The following SVIL variants were observed in gnomAD, a reference collection of about 807,000 sequenced individuals.
SVIL encodes the protein supervillin.
A neutral mutation model predicts 240.4 loss-of-function variants in SVIL; 101 were observed. That is an observed-to-expected ratio of 0.42 (90% CI 0.36 to 0.50). The LOEUF (loss-of-function observed/expected upper bound fraction) is 0.50, where lower values mean the gene tolerates loss of function less well. SVIL is among the 20% of genes least tolerant of loss of function. SVIL has a pLI of 0.01. For synonymous variants in SVIL, 999 were observed against 1,100.0 expected, an observed-to-expected ratio of 0.91 and a Z score of 1.82; for missense variants, 2,512 against 2,818.7, an observed-to-expected ratio of 0.89 and a Z score of 2.46.
intron 17 of SVIL, among the ~76,000 whole-genome samples, chr10:29,506,715 TAGAGACTCTACGAAGGAGGGGAC>T (rs1333201696): frequency 5.6e-5 from 4 of 72,062 alleles, no homozygotes; most frequent in African/African-American, 1.9e-4. Context: ...AGGGAGGGGA[TAGAGACTCTACGAAGGAGGGGAC>T]AGAGGCCCTA....
Position 29,463,607 on chromosome 10 carries a change from C to T in SVIL, c.6162G>A (p.Glu2054=). 1 of 1,614,142 alleles carries T rather than the reference C, an allele frequency of 6.2e-7. No individual in the cohort carries two copies. The highest frequency in any genetic ancestry group is 2.2e-5 in the East Asian group (1 of 44,872). Residue 2054 remains glutamate (E), a synonymous_variant, in exon 35 of 38, where the codon GAG becomes GAA. Coordinates refer to ENST00000355867, the MANE Select transcript of SVIL (RefSeq NM_021738.3). ...GCCACCAGCCTTGCCAGAGGTACACCTCGTGGTGATTGTCAACAAGGAAAA... is the reference window on the plus strand; with the variant it reads ...GCCACCAGCCTTGCCAGAGGTACACTTCGTGGTGATTGTCAACAAGGAAAA... ...PALFLVDNHH[E]VYLWQGWWPI...
intron 6 of SVIL, among the ~76,000 whole-genome samples, chr10:29,549,833 G>A (rs1953078796): frequency 7.7e-6 from 1 of 130,656 alleles, no homozygotes; most frequent in South Asian, 2.5e-4. Flanking sequence ...GAGAACACAT[G>A]GACACAGGAA....
chr10:29,609,489 C>T (rs1957157574), intron 1 of SVIL, among the ~76,000 whole-genome samples: 1 of 152,174 alleles, frequency 6.6e-6, no homozygotes, highest in South Asian at 2.1e-4. Context: ...GAAACATGTC[C>T]CCCCACTCAC....
intron 1 of SVIL, among the ~76,000 whole-genome samples, chr10:29,604,363 C>CTTTTTTTT: frequency 2.6e-5 from 1 of 38,402 alleles, no homozygotes; most frequent in Non-Finnish European, 5.7e-5. Context: ...CCATGTCTGG[C>CTTTTTTTT]TTTTTTTTTT....
intron 1 of SVIL, among the ~76,000 whole-genome samples, chr10:29,569,829 T>A (rs1418915863): frequency 6.6e-6 from 1 of 152,166 alleles, no homozygotes; most frequent in East Asian, 1.9e-4. Context: ...CCAATAAAAA[T>A]AACTATTTAT....
intron 1 of SVIL, among the ~76,000 whole-genome samples, chr10:29,578,028 T>C (rs1269053357): frequency 1.3e-5 from 2 of 152,182 alleles, no homozygotes; most frequent in Non-Finnish European, 1.5e-5. Context: ...TTTATAAATG[T>C]ATAAAATGGG....
upstream of SVIL, chr10:29,735,925 G>C (rs1457603064): frequency 6.6e-6 from 1 of 152,148 alleles, no homozygotes; most frequent in Non-Finnish European, 1.5e-5. The surrounding 1 kb of genome is among the most constrained non-coding windows in gnomAD (Gnocchi z 4.1). Context: ...AGGCTCGCGC[G>C]TCCCCACCCC....
At chr10:29,548,825 C>T (rs16930389) in intron 6 of SVIL, among the ~76,000 whole-genome samples, 2,824 of 152,116 alleles carry the variant, frequency 0.019, 84 homozygotes, top group African/African-American at 0.062. Context: ...TACAGAAAAG[C>T]GGCGAAAAGA....
At chr10:29,640,068 GC>G (rs1266681526) in intron 3 of SVIL, among the ~76,000 whole-genome samples, 1 of 152,080 alleles carries the variant, frequency 6.6e-6, no homozygotes, top group East Asian at 1.9e-4. Flanking sequence ...AGTCCCTTGG[GC>G]CCCACCTCTG....
At chr10:29,525,690 A>G (rs1431896495) in intron 13 of SVIL, among the ~76,000 whole-genome samples, 3 of 152,210 alleles carry the variant, frequency 2.0e-5, no homozygotes, top group Non-Finnish European at 2.9e-5. Flanking sequence ...TGAAGTCTTC[A>G]CGGTCAATAT....
chr10:29,529,205 A>G (rs1372822599), intron 12 of SVIL, among the ~76,000 whole-genome samples: 1 of 146,380 alleles, frequency 6.8e-6, no homozygotes, highest in Non-Finnish European at 1.5e-5. Context: ...AAAAAAAAAG[A>G]AAAAAAGAAA....
intron 21 of SVIL, among the ~76,000 whole-genome samples, 178 bp downstream of exon 21, chr10:29,493,036 G>A (rs913907543): frequency 6.6e-6 from 1 of 152,074 alleles, no homozygotes; most frequent in Non-Finnish European, 1.5e-5. Flanking sequence ...TATCTGCTGC[G>A]AGGCTCCGTG....
chr10:29,616,140 C>T lies in SVIL; in HGVS notation c.-201+18280G>A, dbSNP rs1474361273. ...TTTTTATTTTCCTCCTGGGTTCAAG[C>T]GATTCTCGTGCCTCAGCATCCCAAG... On this transcript the variant is annotated intron_variant, in intron 1 of 37. Transcript: ENST00000355867. Among the ~76,000 whole-genome samples the T allele has an allele frequency of 5.9e-5, 9 of 152,130 alleles. No homozygotes were observed. The East Asian group carries it at 1.7e-3, about 29-fold the overall frequency.
intron 12 of SVIL, among the ~76,000 whole-genome samples, 193 bp from the exon 13 acceptor site, chr10:29,527,249 T>C (rs1264640225): frequency 6.6e-6 from 1 of 152,072 alleles, no homozygotes; most frequent in Admixed American, 6.5e-5. Flanking sequence ...TAAGAGATAG[T>C]GGCTACCCAA....
At chr10:29,613,735 T>C (rs1957334032) in intron 1 of SVIL, among the ~76,000 whole-genome samples, 1 of 152,240 alleles carries the variant, frequency 6.6e-6, no homozygotes, top group Non-Finnish European at 1.5e-5. Flanking sequence ...TGAAATATTT[T>C]ATTTCAGTGA....
At chr10:29,684,530 C>A (rs556890870) in intron 2 of SVIL, among the ~76,000 whole-genome samples, 21 of 152,068 alleles carry the variant, frequency 1.4e-4, no homozygotes, top group Admixed American at 3.3e-4. Context: ...GTCTAAAGAC[C>A]TGGAATAAAC....
At chr10:29,652,016 C>G (rs201992419) in intron 3 of SVIL, among the ~76,000 whole-genome samples, 1 of 138,804 alleles carries the variant, frequency 7.2e-6, no homozygotes, top group African/African-American at 2.5e-5. Flanking sequence ...GACACACACA[C>G]AAACACACAC....
At chr10:29,713,826 G>A (rs981474901) in intron 1 of SVIL, among the ~76,000 whole-genome samples, 2 of 152,168 alleles carry the variant, frequency 1.3e-5, no homozygotes, top group Non-Finnish European at 2.9e-5. Flanking sequence ...AGAGTTTCCA[G>A]TTCAAAGAGT....
Position 29,550,680 on chromosome 10 carries a change from G to C in SVIL, c.744C>G (p.His248Gln). Residue 248 changes from histidine to glutamine, a missense_variant, in exon 6 of 38, where the codon CAC (histidine) becomes CAG (glutamine). Coordinates refer to ENST00000355867, the MANE Select transcript of SVIL (RefSeq NM_021738.3). ...SFTEVPRSPK[H>Q]AHSSSLQQAA... is the part of the protein sequence containing the mutation. Reference sequence around the variant, plus strand: ...CCTGCTGCAGGGAGGAGCTGTGGGCGTGCTTGGGGGACCGTGGCACTTCAG... The same window carrying C: ...CCTGCTGCAGGGAGGAGCTGTGGGCCTGCTTGGGGGACCGTGGCACTTCAG... The C allele has an allele frequency of 6.2e-7, 1 of 1,614,082 alleles. No individual in the cohort carries two copies. Among genetic ancestry groups the C allele is most frequent in the South Asian group, 1.1e-5 (1 of 91,078 alleles).
Sources: gnomAD v4.1 joint callset for allele counts (sites outside exome capture counted in the v4.1 genomes callset) on GRCh38, gnomAD v4.1.1 for gene constraint, Gnocchi (gnomAD v3.1) non-coding constraint, MANE v1.5 for transcripts, NCBI Gene and HGNC (gene_info 2026-07-23, HGNC 2026-07-21) for gene names.